The following CHN2 variants were observed in gnomAD, a reference collection of about 807,000 sequenced individuals.
CHN2 encodes chimerin 2, also known as beta-chimaerin.
CHN2 carries 35 observed loss-of-function variants against 56.3 expected under a neutral mutation model. The ratio of observed to expected loss-of-function variants is 0.62; its 90% CI spans 0.47 to 0.82. CHN2 has a LOEUF of 0.82. Among genes scored for constraint, CHN2 ranks in the 40% least tolerant of loss-of-function variants. The probability of loss-of-function intolerance (pLI) is 0.00; values close to 1 mark genes in which losing one functional copy is unlikely to be tolerated. For missense variants in CHN2, 491 were observed against 580.5 expected (o/e 0.85, Z 1.58); for synonymous variants, 210 against 212.8 (o/e 0.99, Z 0.12).
At chr7:29,250,381 G>GT (rs1159832090) in intron 1 of CHN2, among the ~76,000 whole-genome samples, 1 of 152,142 alleles carries the variant, frequency 6.6e-6, no homozygotes. Flanking sequence ...CTATAACAGA[G>GT]TTAAAATTCC....
intron 1 of CHN2, among the ~76,000 whole-genome samples, chr7:29,277,222 A>G (rs1375638964): frequency 1.3e-5 from 2 of 152,202 alleles, no homozygotes; most frequent in Admixed American, 6.5e-5. Context: ...ATTTTGCAGC[A>G]TGACTTTCAC....
intron 6 of CHN2, among the ~76,000 whole-genome samples, chr7:29,477,835 C>T (rs909481430): frequency 6.6e-6 from 1 of 152,216 alleles, no homozygotes; most frequent in Non-Finnish European, 1.5e-5. Context: ...ATGCAGTCCT[C>T]TTTGCACACC....
intron 1 of CHN2, among the ~76,000 whole-genome samples, chr7:29,278,554 CA>C (rs2128856964): frequency 6.6e-6 from 1 of 152,218 alleles, no homozygotes; most frequent in Admixed American, 6.5e-5. Context: ...ATCCCATTGC[CA>C]GTGAGATTAG....
At chr7:29,278,894 C>T (rs939972625) in intron 1 of CHN2, among the ~76,000 whole-genome samples, 1 of 152,126 alleles carries the variant, frequency 6.6e-6, no homozygotes, top group African/African-American at 2.4e-5. Context: ...GAGGCTGCCA[C>T]CTGTTTGATA....
At chr7:29,283,375 C>G (rs916139624) in intron 1 of CHN2, among the ~76,000 whole-genome samples, 2 of 152,142 alleles carry the variant, frequency 1.3e-5, no homozygotes, top group African/African-American at 2.4e-5. Context: ...ATGGTCTGCC[C>G]CCAAGTTTCC....
intron 2 of CHN2, among the ~76,000 whole-genome samples, chr7:29,177,276 C>A (rs1019830753): frequency 6.7e-6 from 1 of 149,726 alleles, no homozygotes; most frequent in Non-Finnish European, 1.5e-5. Flanking sequence ...TGTTTTGAGA[C>A]AGAGTCTCAC....
At chr7:29,280,401 TAAATAAATAAATAA>T (rs1791607522) in intron 1 of CHN2, among the ~76,000 whole-genome samples, 1 of 151,152 alleles carries the variant, frequency 6.6e-6, no homozygotes, top group African/African-American at 2.4e-5. Context: ...AATAAATAAA[TAAATAAATAAATAA>T]AAATAGGGAA....
intron 1 of CHN2, among the ~76,000 whole-genome samples, chr7:29,278,010 T>G (rs370354011): frequency 5.3e-5 from 8 of 152,180 alleles, no homozygotes; most frequent in African/African-American, 1.2e-4. Context: ...ATAGCGAGTA[T>G]GTGGTAGAGT....
At chr7:29,470,558 AT>A (rs199760558) in intron 6 of CHN2, among the ~76,000 whole-genome samples, 1 of 151,584 alleles carries the variant, frequency 6.6e-6, no homozygotes, top group Admixed American at 6.6e-5. Flanking sequence ...GGTTAATTTG[AT>A]TTTTTTTTCT....
At chr7:29,394,762 G>T (rs1467388427) in intron 4 of CHN2, among the ~76,000 whole-genome samples, 2 of 152,130 alleles carry the variant, frequency 1.3e-5, no homozygotes, top group Non-Finnish European at 2.9e-5. Context: ...TAAAAAAATA[G>T]AAGAAAATGA....
intron 1 of CHN2, among the ~76,000 whole-genome samples, chr7:29,353,533 T>C (rs1562540107): frequency 6.6e-6 from 1 of 152,140 alleles, no homozygotes; most frequent in Non-Finnish European, 1.5e-5. Context: ...CGCACACCTG[T>C]AATCCAGCTA....
intron 1 of CHN2, among the ~76,000 whole-genome samples, chr7:29,235,088 C>G (rs1787086083): frequency 6.6e-6 from 1 of 152,082 alleles, no homozygotes; most frequent in African/African-American, 2.4e-5. Context: ...GTCCTCAAGG[C>G]ACTTATAGTC....
intron 1 of CHN2, among the ~76,000 whole-genome samples, chr7:29,205,099 A>T (rs767464600): frequency 6.6e-6 from 1 of 152,236 alleles, no homozygotes; most frequent in African/African-American, 2.4e-5. Flanking sequence ...CTTACTTTTC[A>T]TAAATAGCTG....
In CHN2 at chr7:29,479,881, C is replaced by T. The variant is rs955138043; in HGVS notation, c.577-398C>T. On this transcript the variant is annotated intron_variant, in intron 6 of 12. Transcript: ENST00000222792. ...CATGAATGTTTGCTATTGTTCCAGG[C>T]GCACGTCGGCCTTAAGAAATAGCAC... The T allele has an allele frequency of 7.2e-7, 1 of 1,394,922 alleles. No individual in the cohort carries two copies. Among genetic ancestry groups the T allele is most frequent in the Non-Finnish European group, 9.3e-7 (1 of 1,075,640 alleles). 86.4% of individuals were successfully genotyped at this position (1,394,922 alleles called of 1,614,324 possible). A position where few individuals can be genotyped will look rare whatever the true frequency, so the allele number is the denominator to read the frequency against.
At chr7:29,338,709 G>A (rs113814689) in intron 1 of CHN2, among the ~76,000 whole-genome samples, 3,109 of 152,244 alleles carry the variant, frequency 0.02, 100 homozygotes, top group African/African-American at 0.071. Flanking sequence ...CTCCTGAGTA[G>A]CTGGGATTGC....
intron 1 of CHN2, among the ~76,000 whole-genome samples, chr7:29,302,326 T>G (rs1184352198): frequency 6.6e-6 from 1 of 151,462 alleles, no homozygotes; most frequent in Non-Finnish European, 1.5e-5. Flanking sequence ...CTTCCTTCTT[T>G]CTTCGTATTT....
At chr7:29,211,888 A>G (rs1404790557) in intron 1 of CHN2, among the ~76,000 whole-genome samples, 1 of 152,230 alleles carries the variant, frequency 6.6e-6, no homozygotes, top group East Asian at 1.9e-4. Context: ...GTATATTTTA[A>G]TAACTTTTTA....
At chr7:29,353,242 A>G (rs1382598243) in intron 1 of CHN2, among the ~76,000 whole-genome samples, 1 of 152,230 alleles carries the variant, frequency 6.6e-6, no homozygotes, top group Non-Finnish European at 1.5e-5. Flanking sequence ...TAAGCTGCAC[A>G]AGTGAGTATG....
chr7:29,395,173 C>T (rs566590880), intron 4 of CHN2, among the ~76,000 whole-genome samples: 1 of 152,188 alleles, frequency 6.6e-6, no homozygotes, highest in African/African-American at 2.4e-5. Context: ...TCTTTTATAC[C>T]TTCAACTTTT....
Sources: allele counts gnomAD v4.1 joint callset (sites outside exome capture counted in the v4.1 genomes callset), GRCh38; gene constraint gnomAD v4.1.1; transcripts MANE v1.5; gene names NCBI Gene and HGNC (gene_info 2026-07-23, HGNC 2026-07-21).